Variants in KRT77 observed in about 807,000 individuals in gnomAD.
KRT77 encodes the protein keratin 77.
In KRT77, 44 loss-of-function variants were observed where a neutral mutation model predicts 51.5. The observed-to-expected ratio is 0.85, with a 90% CI of 0.67 to 1.10. The LOEUF (loss-of-function observed/expected upper bound fraction) is 1.10. Among genes scored for constraint, KRT77 ranks in the 50% least tolerant of loss-of-function variants. The pLI is 0.00. For missense variants in KRT77, 763 were observed against 743.9 expected, an observed-to-expected ratio of 1.03 and a Z score of -0.30; for synonymous variants, 293 against 302.0, an observed-to-expected ratio of 0.97 and a Z score of 0.31.
intron 1 of KRT77, among the ~76,000 whole-genome samples, chr12:52,701,911 C>G (rs972850888): frequency 3.3e-5 from 5 of 152,200 alleles, no homozygotes; most frequent in Non-Finnish European, 5.9e-5. Context: ...TGCCCTGGCT[C>G]TGTGGCTTCA....
Position 52,695,839 on chromosome 12 carries a change from A to T in KRT77, c.848T>A (p.Val283Glu). 6.2e-7 allele frequency: 1 copy of T among 1,613,736 alleles called. No homozygotes were observed. ...AGTGTCCACCCTGGACTCCAGGTCCACTTTGCTCACATAAGCAGCATCCAC... is the reference window on the plus strand; with the variant it reads ...AGTGTCCACCCTGGACTCCAGGTCCTCTTTGCTCACATAAGCAGCATCCAC... ...KDVDAAYVSK[V>E]DLESRVDTLT... The change falls in exon 4 of 9, where the codon GTG becomes GAG. Residue 283 changes from valine (V) to glutamate (E), a missense_variant. Physicochemically the swap from Val to Glu is moderately radical, Grantham distance 121. Coordinates refer to ENST00000341809, the MANE Select transcript of KRT77 (RefSeq NM_175078.3).
chr12:52,691,366 G>C lies in KRT77; in HGVS notation c.1536C>G (p.Gly512=). The part of the protein sequence containing the change: ...GGGSYGSGGY[G]GGSGGGYGGG... Reference sequence around the variant, plus strand: ...CGCCATAGCCCCCACCGCTGCCGCCGCCGTAGCCTCCTGAGCCGTAGCTGC... The same window carrying C: ...CGCCATAGCCCCCACCGCTGCCGCCCCCGTAGCCTCCTGAGCCGTAGCTGC... The change falls in exon 9 of 9, where the codon GGC becomes GGG. Residue 512 remains glycine, a synonymous_variant. Coordinates refer to ENST00000341809, the MANE Select transcript of KRT77 (RefSeq NM_175078.3). 1.9e-6 allele frequency: 3 copies of C among 1,602,912 alleles called. No individual in the cohort carries two copies. Among genetic ancestry groups the C allele is most frequent in the Non-Finnish European group, 2.5e-6 (3 of 1,177,126 alleles).
At chr12:52,702,419 ATGTGTG>A (rs548989316) in intron 1 of KRT77, among the ~76,000 whole-genome samples, 1 of 147,932 alleles carries the variant, frequency 6.8e-6, no homozygotes, top group Non-Finnish European at 1.5e-5. Flanking sequence ...GTGTGTGTGC[ATGTGTG>A]TGTGTGTGTG....
At position 52,692,820 on chromosome 12, in the gene KRT77, C is replaced by T; in HGVS notation, c.1141G>A (p.Glu381Lys). Reference sequence around the variant, plus strand: ...ACGGTGCGGTTGAGCTCTGCAATCTCCATCTTGCTGTTCTTCAGGTCGTCT... The same window carrying T: ...ACGGTGCGGTTGAGCTCTGCAATCTTCATCTTGCTGTTCTTCAGGTCGTCT... ...HGDDLKNSKM[E>K]IAELNRTVQR... The change falls in exon 6 of 9, where the codon GAG becomes AAG. Residue 381 changes from glutamate (E) to lysine (K), a missense_variant. Transcript: ENST00000341809. 1 of 1,604,186 alleles carries T rather than the reference C, an allele frequency of 6.2e-7. No homozygotes were observed. The highest frequency in any genetic ancestry group is 8.5e-7 in the Non-Finnish European group (1 of 1,171,578).
At chr12:52,699,666 C>G (rs781781044) in intron 1 of KRT77, among the ~76,000 whole-genome samples, 5 of 152,236 alleles carry the variant, frequency 3.3e-5, no homozygotes, top group Non-Finnish European at 7.3e-5. Context: ...CTCCTCAACT[C>G]TTTGCCCAGC....
Position 52,692,798 on chromosome 12 carries a change from G to C in KRT77, c.1163C>G (p.Thr388Ser). 1 of 1,604,310 alleles carries C rather than the reference G, an allele frequency of 6.2e-7. No homozygotes were observed. The highest frequency in any genetic ancestry group is 8.5e-7 in the Non-Finnish European group (1 of 1,171,706). The change falls in exon 6 of 9, where the codon ACC (threonine) becomes AGC (serine). Residue 388 changes from threonine (T) to serine (S), a missense_variant. Coordinates refer to ENST00000341809, the MANE Select transcript of KRT77 (RefSeq NM_175078.3). ...GATCTCTGCCTGCAGCCTCTGGACG[G>C]TGCGGTTGAGCTCTGCAATCTCCAT... ...SKMEIAELNR[T>S]VQRLQAEISN...
chr12:52,696,423 C>G lies in KRT77; in HGVS notation c.766G>C (p.Asp256His). ...CTGCCAGTCCTCTTGTTGATTTCAT[C>G]CTCATACCTGTCAGGCGAGGCAAAG... is the stretch of plus-strand genomic sequence containing the variant. ...VVEDYKSKYEDEINKRTGSEN... is the reference protein window; with the variant it reads ...VVEDYKSKYEHEINKRTGSEN... The change falls in exon 3 of 9, where the codon GAT becomes CAT. Residue 256 changes from aspartate to histidine, a missense_variant. Coordinates refer to ENST00000341809, the MANE Select transcript of KRT77 (RefSeq NM_175078.3). 6.2e-7 allele frequency: 1 copy of G among 1,614,182 alleles called. No individual in the cohort carries two copies. Among genetic ancestry groups the G allele is most frequent in the Non-Finnish European group, 8.5e-7 (1 of 1,179,994 alleles).
rs781111418 is a variant in KRT77, at chr12:52,703,268, A to G, written c.167T>C (p.Phe56Ser). 2.5e-6 allele frequency: 4 copies of G among 1,613,920 alleles called. No individual in the cohort carries two copies. The South Asian group carries it at 4.4e-5, about 18-fold the overall frequency. ...GGGYGIHGRG[F>S]GSRSLYNLGG... ...CAGATTGTAGAGGCTCCTAGAGCCA[A>G]ACCCCCTTCCATGGATCCCATATCC... Residue 56 changes from phenylalanine (F) to serine (S), a missense_variant, in exon 1 of 9, where the codon TTT (phenylalanine) becomes TCT (serine). Phe to Ser is a radical substitution (Grantham distance 155). Transcript: ENST00000341809.
chr12:52,698,068 G>T, intron 1 of KRT77, 172 bp from the exon 2 acceptor site: 2 of 1,477,316 alleles, frequency 1.4e-6, no homozygotes, highest in Non-Finnish European at 1.8e-6. Flanking sequence ...GGGCAATGTG[G>T]TTTCTGACTG....
intron 2 of KRT77, 64 bp from the exon 3 acceptor site, chr12:52,696,494 C>T: frequency 7.5e-7 from 1 of 1,338,822 alleles, no homozygotes; most frequent in Non-Finnish European, 1.1e-6. Context: ...TGAGGTCCCT[C>T]CTTACAGCAG....
Position 52,691,383 on chromosome 12 carries a change from C to G in KRT77, c.1519G>C (p.Gly507Arg), listed in dbSNP as rs778681418. Residue 507 changes from glycine to arginine, a missense_variant, in exon 9 of 9, where the codon GGC (glycine) becomes CGC (arginine). By Grantham distance (125) the Gly-to-Arg change is moderately radical. Coordinates refer to ENST00000341809, the MANE Select transcript of KRT77 (RefSeq NM_175078.3). ...CTGCCGCCGCCGTAGCCTCCTGAGC[C>G]GTAGCTGCCGCCGCCTCCCGCGCCG... ...NGGAGGGGSYGSGGYGGGSGG... is the reference protein window; with the variant it reads ...NGGAGGGGSYRSGGYGGGSGG... 9 of 1,602,046 alleles carry G rather than the reference C, an allele frequency of 5.6e-6. No individual in the cohort carries two copies. The African/African-American group carries it at 1.1e-4, about 19-fold the overall frequency.
chr12:52,699,818 G>A (rs639219), intron 1 of KRT77, among the ~76,000 whole-genome samples: 6,441 of 152,272 alleles, frequency 0.042, 185 homozygotes, highest in East Asian at 0.092. Flanking sequence ...CTCCCGGGCT[G>A]CACTGGACCC....
chr12:52,696,179 C>T (rs545043947), intron 3 of KRT77, among the ~76,000 whole-genome samples, 191 bp downstream of exon 3: 101 of 152,284 alleles, frequency 6.6e-4, no homozygotes, highest in Non-Finnish European at 2.5e-4. Flanking sequence ...CAGAGAGATA[C>T]GAACTCAAGG....
In KRT77 at chr12:52,694,663, C is replaced by G; in HGVS notation, c.1043G>C (p.Arg348Thr). 6.2e-7 allele frequency: 1 copy of G among 1,612,068 alleles called. No individual in the cohort carries two copies. Among genetic ancestry groups the G allele is most frequent in the Non-Finnish European group, 8.5e-7 (1 of 1,178,622 alleles). Residue 348 changes from arginine (R) to threonine (T), a missense_variant, in exon 5 of 9, where the codon AGG (arginine) becomes ACG (threonine). By Grantham distance (71) the Arg-to-Thr change is moderately conservative. Transcript: ENST00000341809. ...CAGGGCTTCGGCCTCGTCCTTGCTC[C>G]TCTGTGCAATCAGTTCATACTGGGT... ...VRTQYELIAQ[R>T]SKDEAEALYQ... is the part of the protein sequence containing the mutation.
chr12:52,697,354 A>G (rs1941809510), intron 2 of KRT77, among the ~76,000 whole-genome samples: 1 of 152,252 alleles, frequency 6.6e-6, no homozygotes, highest in Non-Finnish European at 1.5e-5. Flanking sequence ...CTATTCCCAC[A>G]TTACTAATGT....
chr12:52,694,528 T>A, intron 5 of KRT77, 98 bp downstream of exon 5: 1 of 1,186,320 alleles, frequency 8.4e-7, no homozygotes, highest in Non-Finnish European at 1.1e-6. Flanking sequence ...AACAAACACA[T>A]TTTACTTCAG....
intron 5 of KRT77, among the ~76,000 whole-genome samples, chr12:52,693,337 C>T (rs1281573782): frequency 6.6e-6 from 1 of 150,622 alleles, no homozygotes; most frequent in African/African-American, 2.4e-5. Context: ...GTCTCATTTC[C>T]CCTCCATCTC....
intron 3 of KRT77, 62 bp downstream of exon 3, chr12:52,696,308 A>G: frequency 6.6e-7 from 1 of 1,508,106 alleles, no homozygotes; most frequent in Non-Finnish European, 9.2e-7. Flanking sequence ...TCCCATAGGG[A>G]TTCCTCACTC....
chr12:52,692,346 C>T, intron 7 of KRT77, 75 bp downstream of exon 7: 1 of 1,525,320 alleles, frequency 6.6e-7, no homozygotes, highest in Non-Finnish European at 9.0e-7. Flanking sequence ...CTTATCTTTT[C>T]TCCAAATAGC....
Sources: allele counts gnomAD v4.1 joint callset (sites outside exome capture counted in the v4.1 genomes callset), GRCh38; gene constraint gnomAD v4.1.1; transcripts MANE v1.5; gene names NCBI Gene and HGNC (gene_info 2026-07-23, HGNC 2026-07-21).